CERS6: variants seen among roughly 807,000 people sequenced by gnomAD.
The protein encoded by CERS6 is ceramide synthase 6.
Under a neutral mutation model 56.8 loss-of-function variants are expected in CERS6, and 26 were observed. The observed-to-expected ratio is 0.46, with a 90% CI of 0.34 to 0.63. The LOEUF (loss-of-function observed/expected upper bound fraction) is 0.63. CERS6 is among the 30% of genes least tolerant of loss of function. The pLI is 0.01. For missense variants in CERS6, 415 were observed against 467.5 expected (o/e 0.89, Z 1.04); for synonymous variants, 164 against 173.3 (o/e 0.95, Z 0.42).
chr2:168,484,243 G>A (rs555774867), intron 1 of CERS6, among the ~76,000 whole-genome samples: 8 of 123,528 alleles, frequency 6.5e-5, no homozygotes, highest in Non-Finnish European at 9.6e-5. Flanking sequence ...GGACAATGGC[G>A]TGATCTCAGC....
intron 6 of CERS6, among the ~76,000 whole-genome samples, chr2:168,700,391 C>T (rs1221724235): frequency 2.6e-5 from 4 of 152,054 alleles, no homozygotes; most frequent in African/African-American, 7.2e-5. Flanking sequence ...ATGTAGTGTA[C>T]GGTGCTTGAC....
chr2:168,730,564 A>G (rs1434749193), intron 8 of CERS6, among the ~76,000 whole-genome samples: 1 of 152,180 alleles, frequency 6.6e-6, no homozygotes, highest in African/African-American at 2.4e-5. Flanking sequence ...TAAATTCTGT[A>G]TGAGGGACCT....
chr2:168,739,074 T>C (rs1316850151), intron 8 of CERS6, among the ~76,000 whole-genome samples: 2 of 142,656 alleles, frequency 1.4e-5, no homozygotes, highest in East Asian at 4.1e-4. Context: ...TTTTTTTTTT[T>C]TTTTTTTGTA....
In CERS6 at chr2:168,456,656, G is replaced by A. The variant is rs912387458; in HGVS notation, c.170+38G>A. 2.5e-6 allele frequency: 4 copies of A among 1,588,678 alleles called. No homozygotes were observed. The highest frequency in any genetic ancestry group is 2.2e-5 in the South Asian group (2 of 89,294). On this transcript the variant is annotated intron_variant, in intron 1 of 9. Transcript: ENST00000305747. The surrounding 1 kb of genome is among the most constrained non-coding windows in gnomAD (Gnocchi z 4.1). ...GAAGCCCCTCCTCCCCTCCCCCTGC[G>A]CACACACACGCGCGCACACACTCGC...
chr2:168,738,923 G>C (rs1006644149), intron 8 of CERS6, among the ~76,000 whole-genome samples: 1 of 151,942 alleles, frequency 6.6e-6, no homozygotes, highest in Admixed American at 6.6e-5. Flanking sequence ...GTCTCACTCT[G>C]TTGCCAGGCT....
In CERS6 at chr2:168,456,408, G is replaced by T; in HGVS notation, c.-41G>T. On this transcript the variant is annotated 5_prime_UTR_variant, in exon 1 of 10. Transcript: ENST00000305747. This position sits in a 1 kb window ranked among gnomAD's most constrained non-coding sequence, Gnocchi z 4.1. ...GGCGCCCTGCGCGGTGGAGAGCTTG[G>T]CGGGCTGCGGGTGCCGCAGGACAGG... 1.3e-6 allele frequency: 2 copies of T among 1,531,704 alleles called. No individual in the cohort carries two copies. The highest frequency in any genetic ancestry group is 2.6e-5 in the East Asian group (1 of 38,902). 94.9% of individuals were successfully genotyped at this position (1,531,704 alleles called of 1,614,324 possible). A position where few individuals can be genotyped will look rare whatever the true frequency, so the allele number is the denominator to read the frequency against.
chr2:168,556,935 G>A (rs998287002), intron 2 of CERS6, among the ~76,000 whole-genome samples: 3 of 143,634 alleles, frequency 2.1e-5, no homozygotes, highest in Admixed American at 7.6e-5. Context: ...TGGGAAGACC[G>A]CTTGAGTCCA....
chr2:168,698,236 GAAAAAAAAAAAAAAAAAAGAAAAAAAAA>G (rs201355417), intron 6 of CERS6, among the ~76,000 whole-genome samples: 1 of 124,968 alleles, frequency 8.0e-6, no homozygotes, highest in Non-Finnish European at 1.6e-5. Context: ...TGTCTCACAG[GAAAAAAAAAAAAAAAAAAGAAAAAAAAA>G]AAAAAAAAAA....
At chr2:168,704,091 TGGC>T (rs1686872188) in intron 6 of CERS6, among the ~76,000 whole-genome samples, 1 of 152,096 alleles carries the variant, frequency 6.6e-6, no homozygotes, top group Admixed American at 6.5e-5. Flanking sequence ...TGGCTTACGC[TGGC>T]AATCAAGCAT....
At chr2:168,720,247 G>A (rs1430694395) in intron 8 of CERS6, among the ~76,000 whole-genome samples, 9 of 151,908 alleles carry the variant, frequency 5.9e-5, no homozygotes, top group East Asian at 1.9e-4. Context: ...CTATTTTAAC[G>A]TATCAACACA....
intron 3 of CERS6, among the ~76,000 whole-genome samples, chr2:168,601,123 G>A (rs954409983): frequency 6.6e-6 from 1 of 152,054 alleles, no homozygotes; most frequent in Admixed American, 6.5e-5. Flanking sequence ...ATTCAACCAG[G>A]CAAATTGGAT....
intron 3 of CERS6, among the ~76,000 whole-genome samples, chr2:168,597,979 T>A (rs1052989315): frequency 6.6e-6 from 1 of 152,204 alleles, no homozygotes; most frequent in Non-Finnish European, 1.5e-5. Context: ...CTTTCAGACT[T>A]TTTTTTGTCC....
At chr2:168,500,941 A>G (rs976523684) in intron 1 of CERS6, among the ~76,000 whole-genome samples, 7 of 152,248 alleles carry the variant, frequency 4.6e-5, no homozygotes, top group African/African-American at 1.7e-4. Context: ...ATTCCTTTAT[A>G]ACAATTAAAG....
At chr2:168,638,424 C>T (rs1254890132) in intron 4 of CERS6, among the ~76,000 whole-genome samples, 17 of 105,142 alleles carry the variant, frequency 1.6e-4, no homozygotes, top group Non-Finnish European at 3.8e-4. Flanking sequence ...CATTGCACAT[C>T]GTATCAAAAA....
chr2:168,738,581 A>C lies in CERS6; in HGVS notation c.845+20603A>C, dbSNP rs946972438. Among the ~76,000 whole-genome samples the C allele has an allele frequency of 2.6e-5, 4 of 152,218 alleles. No homozygotes were observed. The East Asian group carries it at 7.7e-4, about 29-fold the overall frequency. ...TAGAATTTACATAGATTAAGCAAGTAGTCTGTTGAGGGATAGACTTCTAAG... is the reference window on the plus strand; with the variant it reads ...TAGAATTTACATAGATTAAGCAAGTCGTCTGTTGAGGGATAGACTTCTAAG... On this transcript the variant is annotated intron_variant, in intron 8 of 9. Transcript: ENST00000305747.
rs111582222 is a variant in CERS6, at chr2:168,636,793, C to A, written c.465+5751C>A. ...CTCGTCCCTTTCATTTACCCTACCT[C>A]ATTTTCCTTCTGTGTTGGCTTGTGG... On this transcript the variant is annotated intron_variant, in intron 4 of 9. Transcript: ENST00000305747. Among the ~76,000 whole-genome samples, 1,051 of 152,284 alleles carry A rather than the reference C, an allele frequency of 6.9e-3. 14 individuals are homozygous for A. Among genetic ancestry groups the A allele is most frequent in the African/African-American group, 0.023 (958 of 41,552 alleles).
Position 168,561,324 on chromosome 2 carries a change from T to C in CERS6, c.407+2T>C, listed in dbSNP as rs765626641. ...GCTGACGAGGTTCTGTGAGAGCATG[T>C]AAGTTGCTGTTTTTCTTTTTGAAAG... On this transcript the variant is annotated splice_donor_variant, in intron 3 of 9. Transcript: ENST00000305747. LOFTEE classifies it high-confidence loss of function. 6.2e-7 allele frequency: 1 copy of C among 1,613,920 alleles called. No individual in the cohort carries two copies.
intron 3 of CERS6, among the ~76,000 whole-genome samples, chr2:168,571,931 A>G (rs1039401777): frequency 3.9e-5 from 6 of 152,174 alleles, no homozygotes; most frequent in African/African-American, 9.7e-5. Context: ...TATATTGCCT[A>G]TTTACAATGT....
At chr2:168,685,429 T>A (rs1463487968) in intron 4 of CERS6, among the ~76,000 whole-genome samples, 1 of 152,198 alleles carries the variant, frequency 6.6e-6, no homozygotes, top group East Asian at 1.9e-4. Flanking sequence ...TCAGATATCC[T>A]TTTCTCTGGT....
Sources: gnomAD v4.1 joint callset for allele counts (sites outside exome capture counted in the v4.1 genomes callset) on GRCh38, gnomAD v4.1.1 for gene constraint, Gnocchi (gnomAD v3.1) non-coding constraint, MANE v1.5 for transcripts, NCBI Gene and HGNC (gene_info 2026-07-23, HGNC 2026-07-21) for gene names.